The following NUP210 variants were observed in gnomAD, a reference collection of about 807,000 sequenced individuals.
NUP210 encodes the protein nucleoporin 210.
In NUP210, 151 loss-of-function variants were observed where a neutral mutation model predicts 196.0. That is an observed-to-expected ratio of 0.77 (90% CI 0.67 to 0.88). The LOEUF is 0.88. Ranked by LOEUF, NUP210 falls within the 40% of genes least tolerant of loss-of-function variation. The pLI, the probability that NUP210 is intolerant of heterozygous loss-of-function variation, is 0.00. For missense variants in NUP210, 2,314 were observed against 2,493.7 expected (o/e 0.93, Z 1.53); for synonymous variants, 1,070 against 1,052.7 (o/e 1.02, Z -0.32).
chr3:13,378,934 G>A lies in NUP210; in HGVS notation c.1023C>T (p.Tyr341=), dbSNP rs775614047. The A allele has an allele frequency of 3.1e-6, 5 of 1,614,036 alleles. No homozygotes were observed. The highest frequency in any genetic ancestry group is 1.7e-5 in the Admixed American group (1 of 60,028). ...GASRLPNSTI[Y]VVEPGYLGFT... The stretch of plus-strand genomic sequence containing the variant: ...CACCTAGGTATCCAGGTTCGACCAC[G>A]TAGATAGTGCTGTTGGGTAACCTAG... Residue 341 remains tyrosine, a synonymous_variant, in exon 8 of 40, where the codon TAC becomes TAT. Transcript: ENST00000254508.
intron 33 of NUP210, 83 bp downstream of exon 33, chr3:13,325,710 GAA>G: frequency 2.0e-6 from 3 of 1,521,468 alleles, no homozygotes; most frequent in Non-Finnish European, 2.7e-6. Context: ...TCCCTAAAAG[GAA>G]AAGTCTTCAT....
rs756438874 is a variant in NUP210 at position 13,397,363 on chromosome 3, A to C, written c.430T>G (p.Ser144Ala). ...PLELKIQALD[S>A]EGNTFSTLAG... The stretch of plus-strand genomic sequence containing the variant: ...AGGCAGGGGACGTTCTCACCTTCGG[A>C]GTCCAGGGCCTGGATCTTCAGCTCC... Residue 144 changes from serine to alanine, a missense_variant, in exon 3 of 40, where the codon TCC (serine) becomes GCC (alanine). Transcript: ENST00000254508. The C allele has an allele frequency of 6.2e-7, 1 of 1,609,140 alleles. No individual in the cohort carries two copies. Among genetic ancestry groups the C allele is most frequent in the Admixed American group, 1.7e-5 (1 of 58,616 alleles).
At chr3:13,330,827 T>C (rs1039855826) in intron 29 of NUP210, among the ~76,000 whole-genome samples, 193 bp from the exon 30 acceptor site, 4 of 152,244 alleles carry the variant, frequency 2.6e-5, no homozygotes, top group Admixed American at 2.0e-4. Flanking sequence ...CACGGAAAAG[T>C]AATTCAGAAA....
At chr3:13,417,920 G>A (rs1241186081) in intron 1 of NUP210, among the ~76,000 whole-genome samples, 3 of 151,986 alleles carry the variant, frequency 2.0e-5, no homozygotes, top group East Asian at 3.8e-4. Context: ...ATGTTGGGGG[G>A]GAAAAAAGTG....
In NUP210 at chr3:13,319,919, T is replaced by G; in HGVS notation, c.5227A>C (p.Ser1743Arg). 1 of 1,614,188 alleles carries G rather than the reference T, an allele frequency of 6.2e-7. No homozygotes were observed. Among genetic ancestry groups the G allele is most frequent in the South Asian group, 1.1e-5 (1 of 91,086 alleles). ...FAKEKSFGWP[S>R]FITYTVGVLD... The stretch of plus-strand genomic sequence containing the variant: ...ACGCCGACCGTGTATGTGATGAAGC[T>G]GGGCCACCCAAAAGACTTCTCCTTT... The change falls in exon 37 of 40, where the codon AGC becomes CGC. Residue 1743 changes from serine to arginine, a missense_variant. Physicochemically the swap from Ser to Arg is moderately radical, Grantham distance 110 (BLOSUM62 -1). Transcript: ENST00000254508.
At chr3:13,345,165 C>A (rs1697673928) in intron 20 of NUP210, 4 of 985,452 alleles carry the variant, frequency 4.1e-6, no homozygotes, top group Non-Finnish European at 4.8e-6. Flanking sequence ...GGTCATGGAA[C>A]CTGGTGCTCC....
At chr3:13,387,879 A>G (rs1699328002) in intron 5 of NUP210, among the ~76,000 whole-genome samples, 1 of 152,104 alleles carries the variant, frequency 6.6e-6, no homozygotes. Context: ...CTGGGCCACC[A>G]GTCTCAGGGC....
chr3:13,332,418 G>C (rs375236428), intron 28 of NUP210, 34 bp from the exon 29 acceptor site: 22 of 1,521,748 alleles, frequency 1.4e-5, no homozygotes, highest in Non-Finnish European at 1.9e-5. Context: ...TTCCGATGGG[G>C]CACTGGAGTC....
At position 13,330,645 on chromosome 3, in the gene NUP210, CA is replaced by C; in HGVS notation, c.3936-12del. On this transcript the variant is annotated splice_polypyrimidine_tract_variant and intron_variant, in intron 29 of 39. Coordinates refer to ENST00000254508, the MANE Select transcript of NUP210 (RefSeq NM_024923.4). ...GAGGCTGCACCATCCCTTTGGAAAA[CA>C]AAACAGAGCTGTTTTTGTAGATGGC... is the stretch of plus-strand genomic sequence containing the variant. 6.2e-7 allele frequency: 1 copy of C among 1,612,552 alleles called. No individual in the cohort carries two copies. Among genetic ancestry groups the C allele is most frequent in the Non-Finnish European group, 8.5e-7 (1 of 1,179,124 alleles).
chr3:13,337,894 C>G lies in NUP210; in HGVS notation c.3495G>C (p.Leu1165=), dbSNP rs188670946. Reference sequence around the variant, plus strand: ...CGCGGATCCTCACGGCCCTTAGCAGCAGCACCTCCACCTGCACGAGGTCCT... The same window carrying G: ...CGCGGATCCTCACGGCCCTTAGCAGGAGCACCTCCACCTGCACGAGGTCCT... ...ISQDLVQVEV[L]LLRAVRIRAP... is the part of the protein sequence containing the mutation. The change falls in exon 26 of 40, where the codon CTG becomes CTC. Residue 1165 remains leucine, a synonymous_variant. Coordinates refer to ENST00000254508, the MANE Select transcript of NUP210 (RefSeq NM_024923.4). 213 of 1,613,076 alleles carry G rather than the reference C, an allele frequency of 1.3e-4. 1 individual carries two copies. The highest frequency in any genetic ancestry group is 9.4e-4 in the East Asian group (42 of 44,874).
At position 13,337,826 on chromosome 3, in the gene NUP210, GGTC is replaced by G. The variant is rs771785402; in HGVS notation, c.3552+8_3552+10del. On this transcript the variant is annotated splice_region_variant and intron_variant, in intron 26 of 39. Transcript: ENST00000254508. ...GGGAACCAGGATTCAGAGCCCAGGA[GGTC>G]CCCTCACCTGGGTGCCCGTCCTCAT... The G allele has an allele frequency of 6.2e-6, 10 of 1,606,084 alleles. No homozygotes were observed. In the East Asian group the frequency reaches 2.0e-4, roughly 32 times the overall value.
chr3:13,397,854 G>A (rs1170872781), intron 2 of NUP210, among the ~76,000 whole-genome samples: 2 of 152,248 alleles, frequency 1.3e-5, no homozygotes, highest in East Asian at 1.9e-4. Flanking sequence ...TCCCTTCACT[G>A]AGATTAGGGA....
intron 1 of NUP210, among the ~76,000 whole-genome samples, chr3:13,416,377 G>C (rs896394458): frequency 1.3e-5 from 2 of 152,180 alleles, no homozygotes; most frequent in African/African-American, 4.8e-5. Flanking sequence ...ATTCAAAACA[G>C]AGTGTCTCCG....
intron 9 of NUP210, 111 bp from the exon 10 acceptor site, chr3:13,376,542 GC>G (rs35986293): frequency 1.1e-5 from 13 of 1,207,260 alleles, no homozygotes; most frequent in East Asian, 2.4e-5. Flanking sequence ...AGGCCAAGGG[GC>G]CCCCTGGGGC....
chr3:13,332,175 C>T (rs1023761663), intron 29 of NUP210, 118 bp downstream of exon 29: 16 of 763,194 alleles, frequency 2.1e-5, no homozygotes, highest in Non-Finnish European at 3.7e-5. Flanking sequence ...CCATTCCAAG[C>T]ACAGCAGGAG....
chr3:13,339,806 C>CTTCT (rs775042869), intron 25 of NUP210, 48 bp downstream of exon 25: 49 of 1,523,336 alleles, frequency 3.2e-5, no homozygotes, highest in Non-Finnish European at 4.2e-5. Context: ...AGTAAAGAGG[C>CTTCT]TTCTGTCCCA....
At chr3:13,412,717 T>TA (rs752721758) in intron 1 of NUP210, among the ~76,000 whole-genome samples, 100 of 137,718 alleles carry the variant, frequency 7.3e-4, no homozygotes, top group African/African-American at 1.8e-3. Context: ...CCATCTCAAT[T>TA]AAAAAAAAAA....
rs570991498 is a variant in NUP210 at position 13,415,820 on chromosome 3, C to T, written c.167+4240G>A. On this transcript the variant is annotated intron_variant, in intron 1 of 39. Transcript: ENST00000254508. ...TGAGCCCAGCAGAAGCCAGCTAGGC[C>T]AGATGACACTCTGACTTGGCTCAGC... Among the ~76,000 whole-genome samples the T allele has an allele frequency of 2.3e-3, 351 of 152,290 alleles. 3 individuals are homozygous for T. The highest frequency in any genetic ancestry group is 7.2e-3 in the African/African-American group (301 of 41,546).
In NUP210 at chr3:13,353,940, A is replaced by T. The variant is rs755512028; in HGVS notation, c.2496T>A (p.Asp832Glu). Residue 832 changes from aspartate (D) to glutamate (E), a missense_variant, in exon 17 of 40, where the codon GAT becomes GAA. By Grantham distance (45) the Asp-to-Glu change is conservative (BLOSUM62 2). Coordinates refer to ENST00000254508, the MANE Select transcript of NUP210 (RefSeq NM_024923.4). ...CGTGCAGCTTCTTTTGGCCACTCTC[A>T]TCGTCCTGGGACACCAGCTGCATGG... ...ELPMQLVSQD[D>E]ESGQKKLHGL... The T allele has an allele frequency of 6.2e-7, 1 of 1,609,804 alleles. No homozygotes were observed. Among genetic ancestry groups the T allele is most frequent in the South Asian group, 1.1e-5 (1 of 90,028 alleles).
Sources: allele counts gnomAD v4.1 joint callset (sites outside exome capture counted in the v4.1 genomes callset), GRCh38; gene constraint gnomAD v4.1.1; transcripts MANE v1.5; gene names NCBI Gene and HGNC (gene_info 2026-07-23, HGNC 2026-07-21).